VSTM4: variants seen among roughly 807,000 people sequenced by gnomAD.
VSTM4 encodes the protein V-set and transmembrane domain-containing protein 4.
Under a neutral mutation model 36.4 loss-of-function variants are expected in VSTM4, and 20 were observed. The observed-to-expected ratio is 0.55, with a 90% CI of 0.39 to 0.80. VSTM4 has a LOEUF of 0.80. Ranked by LOEUF, VSTM4 falls within the 30% of genes least tolerant of loss-of-function variation. The pLI is 0.00. For missense variants in VSTM4, 392 were observed against 404.5 expected, an observed-to-expected ratio of 0.97 and a Z score of 0.26; for synonymous variants, 182 against 173.9, an observed-to-expected ratio of 1.05 and a Z score of -0.37.
chr10:49,033,998 C>A (rs983850913), intron 7 of VSTM4, among the ~76,000 whole-genome samples: 1 of 151,772 alleles, frequency 6.6e-6, no homozygotes, highest in Non-Finnish European at 1.5e-5. Flanking sequence ...ACCATCATCA[C>A]CATTACCATC....
intron 7 of VSTM4, among the ~76,000 whole-genome samples, chr10:49,042,794 G>C (rs1843541015): frequency 6.6e-6 from 1 of 152,222 alleles, no homozygotes; most frequent in South Asian, 2.1e-4. Flanking sequence ...TATGGATCTT[G>C]TAGCCTGGTA....
rs907602734 is a variant in VSTM4 at position 49,017,769 on chromosome 10, A to T, written c.*1881T>A. 4.6e-5 allele frequency: 7 copies of T among 152,156 alleles called. No individual in the cohort carries two copies. Among genetic ancestry groups the T allele is most frequent in the African/African-American group, 1.7e-4 (7 of 41,428 alleles). 9.4% of individuals were successfully genotyped at this position (152,156 alleles called of 1,614,324 possible). On this transcript the variant is annotated 3_prime_UTR_variant, in exon 8 of 8. Coordinates refer to ENST00000332853, the MANE Select transcript of VSTM4 (RefSeq NM_001031746.5). ...CACAAACCCATAAGGCTCTTTGGGC[A>T]AATTAGGAGATCATCCTCTGCCCTC...
intron 2 of VSTM4, among the ~76,000 whole-genome samples, chr10:49,088,295 T>C (rs1844409364): frequency 6.6e-6 from 1 of 152,160 alleles, no homozygotes; most frequent in Non-Finnish European, 1.5e-5. Context: ...ATATGAATTA[T>C]ATATTTCTTT....
intron 5 of VSTM4, chr10:49,064,415 C>A: frequency 2.4e-6 from 1 of 419,850 alleles, no homozygotes; most frequent in South Asian, 2.7e-5. Context: ...AAGTGTGAGC[C>A]CCTTCCTAAA....
At position 49,074,465 on chromosome 10, in the gene VSTM4, G is replaced by A. The variant is rs368343064; in HGVS notation, c.634+2754C>T. 1.1e-3 allele frequency among the ~76,000 whole-genome samples: 169 copies of A among 152,336 alleles called. 2 individuals carry two copies. The South Asian group carries it at 0.032, about 29-fold the overall frequency. On this transcript the variant is annotated intron_variant, in intron 4 of 7. Transcript: ENST00000332853. ...ATTGCAGGCCTGCCCCAGACATCCT[G>A]AATCAGAATCTGCATTTGAGCAGGT...
intron 5 of VSTM4, among the ~76,000 whole-genome samples, chr10:49,051,557 A>G (rs922855814): frequency 6.6e-6 from 1 of 152,034 alleles, no homozygotes; most frequent in Non-Finnish European, 1.5e-5. Context: ...CACCATGCCC[A>G]GCTAATTTTT....
chr10:49,092,709 G>A (rs1251674498), intron 2 of VSTM4, among the ~76,000 whole-genome samples: 1 of 152,144 alleles, frequency 6.6e-6, no homozygotes, highest in East Asian at 1.9e-4. Flanking sequence ...AGACCACTCT[G>A]GCCTGCCACG....
intron 2 of VSTM4, among the ~76,000 whole-genome samples, chr10:49,099,431 A>G (rs4421675): frequency 0.25 from 37,676 of 152,128 alleles, 5,099 homozygotes; most frequent in African/African-American, 0.36. Flanking sequence ...GTGATTTCTC[A>G]CTGATGTTAA....
intron 1 of VSTM4, among the ~76,000 whole-genome samples, chr10:49,110,628 A>C (rs1276513546): frequency 2.0e-5 from 3 of 152,074 alleles, no homozygotes; most frequent in Non-Finnish European, 4.4e-5. Context: ...AGGAGTAATT[A>C]AATTAAAATA....
At chr10:49,111,835 CCA>C (rs1291497793) in intron 1 of VSTM4, among the ~76,000 whole-genome samples, 1 of 152,164 alleles carries the variant, frequency 6.6e-6, no homozygotes, top group Non-Finnish European at 1.5e-5. Flanking sequence ...GTGTCACATG[CCA>C]CAGAGAAAAG....
At chr10:49,030,264 C>T (rs181114737) in intron 7 of VSTM4, among the ~76,000 whole-genome samples, 2 of 152,334 alleles carry the variant, frequency 1.3e-5, no homozygotes, top group East Asian at 1.9e-4. Context: ...AGCAGCATAA[C>T]TCATAGTAGG....
chr10:49,051,677 T>C (rs1482611820), intron 5 of VSTM4, among the ~76,000 whole-genome samples: 1 of 152,240 alleles, frequency 6.6e-6, no homozygotes, highest in Non-Finnish European at 1.5e-5. Context: ...ATTACAGGCA[T>C]GAGCCACTGC....
At chr10:49,101,335 A>G (rs1844661746) in intron 2 of VSTM4, among the ~76,000 whole-genome samples, 1 of 152,044 alleles carries the variant, frequency 6.6e-6, no homozygotes, top group African/African-American at 2.4e-5. Flanking sequence ...ATTTTGTACC[A>G]TATGTAATAG....
rs1843722638 is a variant in VSTM4, at chr10:49,053,035, ATT to A, written c.669-4453_669-4452del. 2.0e-5 allele frequency among the ~76,000 whole-genome samples: 3 copies of A among 152,306 alleles called. No individual in the cohort carries two copies. In the South Asian group the frequency reaches 6.2e-4, roughly 32 times the overall value. On this transcript the variant is annotated intron_variant, in intron 5 of 7. Coordinates refer to ENST00000332853, the MANE Select transcript of VSTM4 (RefSeq NM_001031746.5). ...TTTGGCAAGGAAAGTCCACCTTATGATTAACTTACAAGAAAAGTTATTCGACA... is the reference window on the plus strand; with the variant it reads ...TTTGGCAAGGAAAGTCCACCTTATGAAACTTACAAGAAAAGTTATTCGACA...
chr10:49,026,300 C>T (rs1877805), intron 7 of VSTM4, among the ~76,000 whole-genome samples: 102,374 of 151,930 alleles, frequency 0.67, 36,415 homozygotes, highest in Non-Finnish European at 0.8. Context: ...AGTTGAAATT[C>T]ACCCCATGCT....
intron 2 of VSTM4, among the ~76,000 whole-genome samples, chr10:49,093,729 A>AGTCATAG (rs1021795880): frequency 6.7e-6 from 1 of 148,748 alleles, no homozygotes; most frequent in African/African-American, 2.5e-5. Context: ...CCATAGTTCA[A>AGTCATAG]GTCATAGTTA....
chr10:49,017,329 G>C lies in VSTM4; in HGVS notation c.*2321C>G, dbSNP rs752818096. 6.6e-6 allele frequency: 1 copy of C among 152,254 alleles called. No individual in the cohort carries two copies. The highest frequency in any genetic ancestry group is 1.5e-5 in the Non-Finnish European group (1 of 68,074). 9.4% of individuals were successfully genotyped at this position (152,254 alleles called of 1,614,324 possible). ...TGGAGATAACAGTGGGACCAGCTCT[G>C]CCTGGATGCTGTCCATAGCTTCCAA... On this transcript the variant is annotated 3_prime_UTR_variant, in exon 8 of 8. Transcript: ENST00000332853.
At chr10:49,093,742 C>CTT (rs35299738) in intron 2 of VSTM4, among the ~76,000 whole-genome samples, 1,990 of 103,394 alleles carry the variant, frequency 0.019, 13 homozygotes, top group African/African-American at 0.022. Flanking sequence ...CATAGTTACT[C>CTT]TTTTTTTTTT....
At chr10:49,037,234 T>C (rs1843444776) in intron 7 of VSTM4, among the ~76,000 whole-genome samples, 1 of 152,242 alleles carries the variant, frequency 6.6e-6, no homozygotes, top group South Asian at 2.1e-4. Flanking sequence ...GCAGCGGCTC[T>C]GGATCCTGAT....
Sources: gnomAD v4.1 joint callset for allele counts (sites outside exome capture counted in the v4.1 genomes callset) on GRCh38, gnomAD v4.1.1 for gene constraint, MANE v1.5 for transcripts, NCBI Gene and HGNC (gene_info 2026-07-23, HGNC 2026-07-21) for gene names.